The following NEDD4 variants were observed in gnomAD, a reference collection of about 807,000 sequenced individuals.
The protein encoded by NEDD4 is E3 ubiquitin-protein ligase NEDD4.
Under a neutral mutation model 144.9 loss-of-function variants are expected in NEDD4, and 99 were observed. The observed-to-expected ratio is 0.68, with a 90% CI of 0.58 to 0.81. The LOEUF (loss-of-function observed/expected upper bound fraction) is 0.81, where lower values mean the gene tolerates loss of function less well. Among genes scored for constraint, NEDD4 ranks in the 30% least tolerant of loss-of-function variants. NEDD4 has a pLI of 0.00. For missense variants in NEDD4, 985 were observed against 1,065.9 expected, an observed-to-expected ratio of 0.92 and a Z score of 1.06; for synonymous variants, 318 against 350.6, an observed-to-expected ratio of 0.91 and a Z score of 1.04.
chr15:55,901,667 T>A (rs1378844337), intron 5 of NEDD4, among the ~76,000 whole-genome samples: 1 of 152,204 alleles, frequency 6.6e-6, no homozygotes, highest in Non-Finnish European at 1.5e-5. Flanking sequence ...TAATGTGTTC[T>A]TTTCATGCAT....
chr15:55,869,675 T>C lies in NEDD4; in HGVS notation c.411A>G (p.Lys137=), dbSNP rs750007782. The C allele has an allele frequency of 3.3e-6, 5 of 1,524,762 alleles. No individual in the cohort carries two copies. In the South Asian group the frequency reaches 4.8e-5, roughly 15 times the overall value. The allele number at this position is 1,524,762 out of a possible 1,614,324, so 94.5% of individuals were successfully genotyped here. A position where few individuals can be genotyped will look rare whatever the true frequency, so the allele number is the denominator to read the frequency against. ...GTCTCAGATAACCTTTAACTCTTGATTTGTGACTGTAGAAAAGAAAATAAA... is the reference window on the plus strand; with the variant it reads ...GTCTCAGATAACCTTTAACTCTTGACTTGTGACTGTAGAAAAGAAAATAAA... ...KDFVLHPRSH[K]SRVKGYLRLK... Residue 137 remains lysine (K), a synonymous_variant, in exon 8 of 29, where the codon AAA becomes AAG. Coordinates refer to ENST00000435532, the MANE Select transcript of NEDD4 (RefSeq NM_006154.4).
chr15:55,863,718 A>G (rs375572629), intron 8 of NEDD4, among the ~76,000 whole-genome samples: 4 of 152,332 alleles, frequency 2.6e-5, no homozygotes, highest in African/African-American at 9.6e-5. Flanking sequence ...TAAATTATCA[A>G]CTGAATGAAG....
intron 5 of NEDD4, among the ~76,000 whole-genome samples, chr15:55,910,147 C>T (rs1341492012): frequency 3.3e-5 from 5 of 152,150 alleles, no homozygotes; most frequent in Admixed American, 6.5e-5. Flanking sequence ...ATCTTATATC[C>T]ACTTCACATA....
At chr15:55,862,773 C>A (rs1199321144) in intron 9 of NEDD4, 140 bp downstream of exon 9, 1 of 727,772 alleles carries the variant, frequency 1.4e-6, no homozygotes, top group Admixed American at 3.2e-5. Flanking sequence ...TTTTTAAAGT[C>A]CTGGGCAATA....
intron 5 of NEDD4, chr15:55,916,441 CATT>C: frequency 3.7e-6 from 6 of 1,614,062 alleles, no homozygotes; most frequent in Non-Finnish European, 4.2e-6. Context: ...GCATTCAATT[CATT>C]ATCGACCACA....
chr15:55,878,409 A>G (rs1458991597), intron 5 of NEDD4, among the ~76,000 whole-genome samples: 1 of 152,218 alleles, frequency 6.6e-6, no homozygotes, highest in Non-Finnish European at 1.5e-5. Context: ...TAAATATTAT[A>G]TGAAAATATG....
intron 14 of NEDD4, among the ~76,000 whole-genome samples, chr15:55,849,823 C>T (rs1473528255): frequency 6.7e-6 from 1 of 148,636 alleles, no homozygotes; most frequent in Admixed American, 6.7e-5. Context: ...GATGGAGTCT[C>T]GCTCTGTTGC....
intron 2 of NEDD4, among the ~76,000 whole-genome samples, chr15:55,964,774 G>A (rs755255109): frequency 4.0e-5 from 6 of 150,474 alleles, no homozygotes; most frequent in Non-Finnish European, 8.9e-5. Context: ...CCTTCAAACC[G>A]CATGTTGAAA....
rs750534490 is a variant in NEDD4, at chr15:55,838,196, A to G, written c.2128-16T>C. 57 of 1,530,374 alleles carry G rather than the reference A, an allele frequency of 3.7e-5. No individual in the cohort carries two copies. The highest frequency in any genetic ancestry group is 4.7e-5 in the Non-Finnish European group (53 of 1,118,964). 94.8% of individuals were successfully genotyped at this position (1,530,374 alleles called of 1,614,324 possible). A position where few individuals can be genotyped will look rare whatever the true frequency, so the allele number is the denominator to read the frequency against. ...GTTGATGTGTCTAAAATTAAACACA[A>G]TAACTTGATATGTTATTTTAGCGAG... On this transcript the variant is annotated splice_polypyrimidine_tract_variant and intron_variant, in intron 22 of 28. Coordinates refer to ENST00000435532, the MANE Select transcript of NEDD4 (RefSeq NM_006154.4).
intron 1 of NEDD4, among the ~76,000 whole-genome samples, chr15:55,970,414 T>C (rs1288476343): frequency 6.6e-6 from 1 of 152,110 alleles, no homozygotes; most frequent in African/African-American, 2.4e-5. Context: ...GGGTCTTAAA[T>C]AAACACAAGT....
rs199650621 is a variant in NEDD4, at chr15:55,860,607, T to A, written c.793-33A>T. On this transcript the variant is annotated intron_variant, in intron 10 of 28. Coordinates refer to ENST00000435532, the MANE Select transcript of NEDD4 (RefSeq NM_006154.4). ...GAACAGAATAAGCTTGAGCCACACATACTTTATTGCTATAGCATGTGTCTT... is the reference window on the plus strand; with the variant it reads ...GAACAGAATAAGCTTGAGCCACACAAACTTTATTGCTATAGCATGTGTCTT... The A allele has an allele frequency of 9.9e-6, 16 of 1,613,660 alleles. No homozygotes were observed. The Admixed American group carries it at 2.3e-4, about 24-fold the overall frequency.
intron 5 of NEDD4, among the ~76,000 whole-genome samples, chr15:55,897,749 C>T (rs1459813944): frequency 6.6e-6 from 1 of 152,156 alleles, no homozygotes; most frequent in Admixed American, 6.5e-5. Flanking sequence ...GTTCCTGCAT[C>T]GTTTACTGTC....
At chr15:55,956,280 C>T (rs1360436861) in intron 2 of NEDD4, among the ~76,000 whole-genome samples, 1 of 152,106 alleles carries the variant, frequency 6.6e-6, no homozygotes, top group Admixed American at 6.5e-5. Flanking sequence ...TTTCCGTAAC[C>T]TTGTTTCTTA....
intron 5 of NEDD4, among the ~76,000 whole-genome samples, chr15:55,911,599 G>C (rs947067035): frequency 6.6e-6 from 1 of 151,090 alleles, no homozygotes; most frequent in Non-Finnish European, 1.5e-5. Context: ...GCGCGATCTC[G>C]ACTCACTGCA....
chr15:55,959,032 G>A (rs986974458), intron 2 of NEDD4, among the ~76,000 whole-genome samples: 17 of 145,862 alleles, frequency 1.2e-4, no homozygotes, highest in Non-Finnish European at 1.7e-4. Context: ...TTTGGCCCTT[G>A]TCTTTATTAT....
chr15:55,903,291 G>C lies in NEDD4; in HGVS notation c.291+21355C>G, dbSNP rs148102831. 1.3e-4 allele frequency among the ~76,000 whole-genome samples: 20 copies of C among 152,226 alleles called. 3 individuals carry two copies. The highest frequency in any genetic ancestry group is 4.6e-4 in the African/African-American group (19 of 41,542). On this transcript the variant is annotated intron_variant, in intron 5 of 28. Transcript: ENST00000435532. ...GTAGGATTCTCCCAGTGCCCGATGA[G>C]AGTCCTTTTGGCTAGTGGTAGTAGA...
chr15:55,882,080 G>C (rs2035214147), intron 5 of NEDD4, among the ~76,000 whole-genome samples: 2 of 152,078 alleles, frequency 1.3e-5, no homozygotes, highest in South Asian at 4.1e-4. Context: ...TCCTAATTTT[G>C]GTTTTTAAAA....
chr15:55,949,809 G>C (rs1016624416), intron 4 of NEDD4, among the ~76,000 whole-genome samples: 11 of 152,064 alleles, frequency 7.2e-5, no homozygotes, highest in African/African-American at 2.4e-4. Context: ...CATGGGGTGG[G>C]GGAAGTGGGG....
chr15:55,859,811 C>T (rs1039392975), intron 11 of NEDD4, among the ~76,000 whole-genome samples: 4 of 152,172 alleles, frequency 2.6e-5, no homozygotes, highest in Admixed American at 2.6e-4. Context: ...AAGACAAAAT[C>T]AAGACCACTC....
Sources: allele counts gnomAD v4.1 joint callset (sites outside exome capture counted in the v4.1 genomes callset), GRCh38; gene constraint gnomAD v4.1.1; transcripts MANE v1.5; gene names NCBI Gene and HGNC (gene_info 2026-07-23, HGNC 2026-07-21).